Variants in DRC11 observed in about 807,000 individuals in gnomAD.
The protein encoded by DRC11 is IQ and AAA domain-containing protein 1.
the DRC11 span, among the ~76,000 whole-genome samples, chr2:236,371,433 AG>A: frequency 2.6e-5 from 4 of 152,132 alleles, no homozygotes; most frequent in Admixed American, 6.5e-5. This position sits in a 1 kb window ranked among gnomAD's most constrained non-coding sequence, Gnocchi z 5.1. Context: ...CTGGGTGCTG[AG>A]AGCAGTGTGC....
At chr2:236,348,439 C>A in the DRC11 span, among the ~76,000 whole-genome samples, 2 of 152,108 alleles carry the variant, frequency 1.3e-5, no homozygotes, top group Non-Finnish European at 2.9e-5. The surrounding 1 kb of genome is among the most constrained non-coding windows in gnomAD (Gnocchi z 7.4). Context: ...TCACTCCAAC[C>A]GGGAAATGCA....
At chr2:236,493,955 T>C in the DRC11 span, 1 of 1,395,252 alleles carries the variant, frequency 7.2e-7, no homozygotes, top group Non-Finnish European at 9.6e-7. Context: ...TTATTTAAAA[T>C]ATACAGTAAG....
the DRC11 span, among the ~76,000 whole-genome samples, chr2:236,376,734 T>C: frequency 2.2e-4 from 34 of 152,200 alleles, no homozygotes; most frequent in Non-Finnish European, 7.4e-5. The surrounding 1 kb of genome is among the most constrained non-coding windows in gnomAD (Gnocchi z 5.7). Context: ...GTAAGGATTC[T>C]GTTGTGGAGG....
chr2:236,507,097 T>C, the DRC11 span, among the ~76,000 whole-genome samples: 4 of 151,860 alleles, frequency 2.6e-5, no homozygotes, highest in Admixed American at 1.3e-4. Context: ...TCCCGAGGCA[T>C]ATTTGAATTT....
At chr2:236,425,285 CA>C in the DRC11 span, among the ~76,000 whole-genome samples, 1 of 151,978 alleles carries the variant, frequency 6.6e-6, no homozygotes, top group East Asian at 1.9e-4. Context: ...CAACAGTGTA[CA>C]AGGGTCCCCT....
chr2:236,409,818 AG>A, the DRC11 span, among the ~76,000 whole-genome samples: 3 of 152,054 alleles, frequency 2.0e-5, no homozygotes, highest in African/African-American at 4.8e-5. Flanking sequence ...TTTAGCATGA[AG>A]GGTTGCTGAA....
chr2:236,373,443 G>A, the DRC11 span, among the ~76,000 whole-genome samples: 2 of 151,996 alleles, frequency 1.3e-5, no homozygotes, highest in Non-Finnish European at 2.9e-5. Flanking sequence ...CAGAGATGGT[G>A]TTCCTCCATG....
chr2:236,498,337 C>T, the DRC11 span, among the ~76,000 whole-genome samples: 8 of 152,026 alleles, frequency 5.3e-5, no homozygotes, highest in South Asian at 4.1e-4. Flanking sequence ...TAGTGGCGCC[C>T]GCCTGTAGTC....
chr2:236,399,269 C>T, the DRC11 span: 8 of 707,416 alleles, frequency 1.1e-5, no homozygotes, highest in African/African-American at 3.5e-5. This position sits in a 1 kb window ranked among gnomAD's most constrained non-coding sequence, Gnocchi z 7.0. Context: ...GGATTACAGG[C>T]GCAAGCCACC....
At chr2:236,451,937 T>C in the DRC11 span, among the ~76,000 whole-genome samples, 33 of 152,242 alleles carry the variant, frequency 2.2e-4, no homozygotes, top group Non-Finnish European at 3.2e-4. Context: ...TAAGTATGTA[T>C]GCCTAGTAGA....
the DRC11 span, chr2:236,465,409 T>C: frequency 9.9e-7 from 1 of 1,011,252 alleles, no homozygotes; most frequent in Non-Finnish European, 1.5e-6. The surrounding 1 kb of genome is among the most constrained non-coding windows in gnomAD (Gnocchi z 6.2). Flanking sequence ...AGAAACCTCA[T>C]GACTCTATAT....
chr2:236,436,340 A>G, the DRC11 span, among the ~76,000 whole-genome samples: 1 of 151,500 alleles, frequency 6.6e-6, no homozygotes, highest in Non-Finnish European at 1.5e-5. Flanking sequence ...TTTTTTGGCC[A>G]TTTTGCTATT....
chr2:236,459,432 T>C, the DRC11 span, among the ~76,000 whole-genome samples: 1 of 150,842 alleles, frequency 6.6e-6, no homozygotes, highest in African/African-American at 2.4e-5. Context: ...GAAATCTCAA[T>C]GTTAAATTTT....
chr2:236,452,466 T>C, the DRC11 span, among the ~76,000 whole-genome samples: 1 of 152,222 alleles, frequency 6.6e-6, no homozygotes, highest in South Asian at 2.1e-4. The surrounding 1 kb of genome is among the most constrained non-coding windows in gnomAD (Gnocchi z 4.7). Context: ...AGCAGGCTCA[T>C]AAATTTTTCC....
the DRC11 span, among the ~76,000 whole-genome samples, chr2:236,426,198 A>T: frequency 1.6e-4 from 25 of 152,060 alleles, no homozygotes. The surrounding 1 kb of genome is among the most constrained non-coding windows in gnomAD (Gnocchi z 4.1). Context: ...GATAGTCATT[A>T]CACTGAATCT....
At chr2:236,472,951 G>A in the DRC11 span, among the ~76,000 whole-genome samples, 14 of 152,130 alleles carry the variant, frequency 9.2e-5, no homozygotes, top group Middle Eastern at 3.2e-3. The surrounding 1 kb of genome is among the most constrained non-coding windows in gnomAD (Gnocchi z 4.6). Flanking sequence ...ACTCACACTC[G>A]TTTCCAAGGT....
chr2:236,393,752 G>A, the DRC11 span, among the ~76,000 whole-genome samples: 1 of 152,198 alleles, frequency 6.6e-6, no homozygotes, highest in African/African-American at 2.4e-5. The surrounding 1 kb of genome is among the most constrained non-coding windows in gnomAD (Gnocchi z 4.7). Context: ...GGCAAACTCA[G>A]AACTGGTGAA....
At chr2:236,324,574 G>A in the DRC11 span, 16 of 661,738 alleles carry the variant, frequency 2.4e-5, no homozygotes, top group Non-Finnish European at 3.2e-5. This position sits in a 1 kb window ranked among gnomAD's most constrained non-coding sequence, Gnocchi z 5.7. Context: ...TTCTTCAGGC[G>A]GGCAATGGTG....
the DRC11 span, among the ~76,000 whole-genome samples, chr2:236,470,562 C>A: frequency 1.3e-5 from 2 of 152,148 alleles, no homozygotes; most frequent in African/African-American, 2.4e-5. The surrounding 1 kb of genome is among the most constrained non-coding windows in gnomAD (Gnocchi z 5.1). Context: ...GCTCCTCAGT[C>A]GGTTCATTTC....
Sources: gnomAD v4.1 joint callset for allele counts (sites outside exome capture counted in the v4.1 genomes callset) on GRCh38, gnomAD v4.1.1 for gene constraint, Gnocchi (gnomAD v3.1) non-coding constraint, MANE v1.5 for transcripts, NCBI Gene and HGNC (gene_info 2026-07-23, HGNC 2026-07-21) for gene names.